The following NTM variants were observed in gnomAD, a reference collection of about 807,000 sequenced individuals.
NTM encodes IgLON family member 2.
Under a neutral mutation model 42.1 loss-of-function variants are expected in NTM, and 13 were observed. The observed-to-expected ratio is 0.31, with a 90% CI of 0.20 to 0.49. The LOEUF is 0.49. NTM is among the 20% of genes least tolerant of loss of function. The pLI, the probability that NTM is intolerant of heterozygous loss-of-function variation, is 0.99. For synonymous variants in NTM, 187 were observed against 179.2 expected (o/e 1.04, Z -0.35); for missense variants, 373 against 452.8 (o/e 0.82, Z 1.60).
chr11:131,659,949 A>G (rs2067746916), intron 1 of NTM, among the ~76,000 whole-genome samples: 1 of 152,256 alleles, frequency 6.6e-6, no homozygotes, highest in Non-Finnish European at 1.5e-5. Flanking sequence ...AGACACTGGC[A>G]GGACCCTGAA....
chr11:132,294,551 A>G (rs1248494456), intron 4 of NTM, among the ~76,000 whole-genome samples: 1 of 152,080 alleles, frequency 6.6e-6, no homozygotes, highest in Admixed American at 6.6e-5. Context: ...GGGAAGGAGG[A>G]GTTACTGGGG....
chr11:132,126,062 C>A (rs2065788609), intron 2 of NTM, among the ~76,000 whole-genome samples: 1 of 152,012 alleles, frequency 6.6e-6, no homozygotes, highest in South Asian at 2.1e-4. Flanking sequence ...GGCGCCCCTG[C>A]GCGATGTGGG....
At chr11:131,692,550 G>A (rs907395049) in intron 1 of NTM, among the ~76,000 whole-genome samples, 5 of 152,258 alleles carry the variant, frequency 3.3e-5, no homozygotes, top group African/African-American at 1.2e-4. Flanking sequence ...AGAAAGAGAG[G>A]GGATAGAGAG....
intron 1 of NTM, among the ~76,000 whole-genome samples, chr11:131,384,983 G>A (rs542648547): frequency 5.1e-4 from 78 of 152,324 alleles, no homozygotes; most frequent in Middle Eastern, 6.8e-3. Flanking sequence ...ACAGTCTAAG[G>A]CGGCAGCATC....
At chr11:131,880,773 C>G (rs1344573387) in intron 1 of NTM, among the ~76,000 whole-genome samples, 2 of 151,976 alleles carry the variant, frequency 1.3e-5, no homozygotes, top group African/African-American at 4.8e-5. Flanking sequence ...CCTTGTGGCA[C>G]CTGGAAGGAT....
chr11:131,383,203 C>T (rs566958702), intron 1 of NTM, among the ~76,000 whole-genome samples: 30 of 152,300 alleles, frequency 2.0e-4, no homozygotes, highest in African/African-American at 6.5e-4. Flanking sequence ...ACAACATAAT[C>T]GATCTGAAAG....
At chr11:131,515,069 G>A (rs2048725843) in intron 1 of NTM, among the ~76,000 whole-genome samples, 1 of 152,056 alleles carries the variant, frequency 6.6e-6, no homozygotes. Context: ...GTGCCACTAT[G>A]CCTGGCTAAG....
At chr11:131,401,862 T>G (rs1163245748) in intron 1 of NTM, among the ~76,000 whole-genome samples, 10 of 68,888 alleles carry the variant, frequency 1.5e-4, no homozygotes, top group Non-Finnish European at 2.8e-4. Context: ...ATATATATAT[T>G]TTAATTTAAA....
At chr11:132,008,722 A>G (rs1486454766) in intron 2 of NTM, among the ~76,000 whole-genome samples, 1 of 151,950 alleles carries the variant, frequency 6.6e-6, no homozygotes, top group Non-Finnish European at 1.5e-5. Flanking sequence ...ATCATTTTCA[A>G]TGACTCCATG....
At chr11:132,197,752 G>T (rs1933546543) in intron 3 of NTM, among the ~76,000 whole-genome samples, 1 of 149,426 alleles carries the variant, frequency 6.7e-6, no homozygotes, top group African/African-American at 2.5e-5. Context: ...TGCGGTGTTT[G>T]CTTTTTTGTC....
intron 1 of NTM, among the ~76,000 whole-genome samples, chr11:131,803,753 C>A (rs887223915): frequency 6.6e-6 from 1 of 152,250 alleles, no homozygotes; most frequent in Non-Finnish European, 1.5e-5. Context: ...TTCCTGCCTC[C>A]CCCGAACCTG....
chr11:132,083,581 A>AT (rs2059351717), intron 2 of NTM, among the ~76,000 whole-genome samples: 1 of 152,196 alleles, frequency 6.6e-6, no homozygotes, highest in Non-Finnish European at 1.5e-5. Context: ...AGAAAGTGAC[A>AT]TTCTTTACTC....
intron 2 of NTM, among the ~76,000 whole-genome samples, chr11:132,100,459 C>T (rs1039241114): frequency 6.6e-6 from 1 of 152,176 alleles, no homozygotes; most frequent in Non-Finnish European, 1.5e-5. Context: ...ATTATGCAAG[C>T]CCCCTTTGAG....
At chr11:131,456,021 G>C (rs10894395) in intron 1 of NTM, among the ~76,000 whole-genome samples, 1 of 151,988 alleles carries the variant, frequency 6.6e-6, no homozygotes, top group Non-Finnish European at 1.5e-5. Flanking sequence ...GCAAAGTCTT[G>C]ACCCATTTGT....
At chr11:131,515,860 A>G (rs2048832577) in intron 1 of NTM, among the ~76,000 whole-genome samples, 2 of 152,212 alleles carry the variant, frequency 1.3e-5, no homozygotes, top group African/African-American at 4.8e-5. Context: ...TTGTTAAATT[A>G]TCATATGTAC....
intron 3 of NTM, among the ~76,000 whole-genome samples, chr11:132,185,578 G>T (rs1025077337): frequency 6.6e-6 from 1 of 152,118 alleles, no homozygotes; most frequent in Non-Finnish European, 1.5e-5. Flanking sequence ...TAAATGGGTC[G>T]TGGTAATCCA....
chr11:131,909,196 G>A (rs2054313817), intron 1 of NTM, among the ~76,000 whole-genome samples: 1 of 152,142 alleles, frequency 6.6e-6, no homozygotes. Context: ...GTCTTTCTTT[G>A]TTACCCAGGA....
intron 2 of NTM, among the ~76,000 whole-genome samples, chr11:131,938,298 C>T (rs924070137): frequency 5.9e-5 from 9 of 152,110 alleles, no homozygotes; most frequent in African/African-American, 2.2e-4. Context: ...GGACCTGAGC[C>T]CCGGGGGATG....
intron 1 of NTM, among the ~76,000 whole-genome samples, chr11:131,669,715 G>T (rs369716096): frequency 6.6e-6 from 1 of 152,164 alleles, no homozygotes; most frequent in Non-Finnish European, 1.5e-5. Context: ...GGCAGCAGGG[G>T]AAAGACAGGA....
Sources: allele counts gnomAD v4.1 joint callset (sites outside exome capture counted in the v4.1 genomes callset), GRCh38; gene constraint gnomAD v4.1.1; transcripts MANE v1.5; gene names NCBI Gene and HGNC (gene_info 2026-07-23, HGNC 2026-07-21).